The following DLG2 variants were observed in gnomAD, a reference collection of about 807,000 sequenced individuals.
The protein encoded by DLG2 is discs large MAGUK scaffold protein 2.
Under a neutral mutation model 132.5 loss-of-function variants are expected in DLG2, and 45 were observed. The ratio of observed to expected loss-of-function variants is 0.34; its 90% CI spans 0.27 to 0.44. DLG2 has a LOEUF of 0.44. Ranked by LOEUF, DLG2 falls within the 20% of genes least tolerant of loss-of-function variation. The pLI is 1.00. For missense variants in DLG2, 1,045 were observed against 1,196.9 expected (o/e 0.87, Z 1.87); for synonymous variants, 424 against 419.6 (o/e 1.01, Z -0.13).
At chr11:84,137,465 T>A (rs2094647669) in intron 9 of DLG2, among the ~76,000 whole-genome samples, 1 of 152,142 alleles carries the variant, frequency 6.6e-6, no homozygotes, top group South Asian at 2.1e-4. Flanking sequence ...TGTGTGTGCG[T>A]GCATGTTTCA....
chr11:84,406,395 T>C (rs570298497), intron 7 of DLG2, among the ~76,000 whole-genome samples: 18 of 152,198 alleles, frequency 1.2e-4, no homozygotes, highest in Non-Finnish European at 2.2e-4. Flanking sequence ...CAGGGCTCAC[T>C]GCAGCCTTGA....
chr11:85,505,411 T>C (rs577236758), intron 3 of DLG2, among the ~76,000 whole-genome samples: 2 of 152,316 alleles, frequency 1.3e-5, no homozygotes, highest in African/African-American at 2.4e-5. Flanking sequence ...ATCTAGTTTA[T>C]TGAGAGTTCT....
chr11:84,814,688 C>T (rs1248946962), intron 6 of DLG2, among the ~76,000 whole-genome samples: 2 of 152,044 alleles, frequency 1.3e-5, no homozygotes, highest in Admixed American at 1.3e-4. Flanking sequence ...GGATCTACTT[C>T]CCCACTTCAC....
At chr11:83,841,988 CCTT>C (rs778752128) in intron 16 of DLG2, among the ~76,000 whole-genome samples, 1 of 152,160 alleles carries the variant, frequency 6.6e-6, no homozygotes, top group African/African-American at 2.4e-5. Context: ...GAGCGGCCAG[CCTT>C]CTTCTTAAAA....
chr11:85,561,445 C>T (rs998625234), intron 3 of DLG2, among the ~76,000 whole-genome samples: 2 of 149,442 alleles, frequency 1.3e-5, no homozygotes, highest in African/African-American at 2.5e-5. Flanking sequence ...CCCTGCACTT[C>T]CTACCAGTAT....
intron 3 of DLG2, among the ~76,000 whole-genome samples, chr11:85,355,495 C>G (rs2083622630): frequency 6.6e-6 from 1 of 151,994 alleles, no homozygotes; most frequent in Admixed American, 6.6e-5. Flanking sequence ...GTCAGTTGCT[C>G]ATGTTTAAAA....
chr11:84,387,933 G>A (rs1441717661), intron 7 of DLG2, among the ~76,000 whole-genome samples: 1 of 152,162 alleles, frequency 6.6e-6, no homozygotes, highest in African/African-American at 2.4e-5. Context: ...CAAAGACCAT[G>A]CACATACTCT....
At chr11:83,694,678 T>C (rs570639246) in intron 18 of DLG2, among the ~76,000 whole-genome samples, 20 of 152,326 alleles carry the variant, frequency 1.3e-4, no homozygotes, top group Middle Eastern at 3.4e-3. Flanking sequence ...TTAAACCAGA[T>C]GGAGCAGTAG....
At chr11:85,395,757 C>T (rs2087286350) in intron 3 of DLG2, among the ~76,000 whole-genome samples, 1 of 152,156 alleles carries the variant, frequency 6.6e-6, no homozygotes, top group Admixed American at 6.5e-5. Flanking sequence ...ACAAAGAGGC[C>T]AGGAAGCACA....
intron 7 of DLG2, among the ~76,000 whole-genome samples, chr11:84,279,169 C>T (rs996027309): frequency 1.3e-5 from 2 of 152,172 alleles, no homozygotes; most frequent in Admixed American, 6.5e-5. Context: ...TATGAACATA[C>T]ACTTCTCAAA....
chr11:85,445,126 A>G (rs1047965943), intron 3 of DLG2, among the ~76,000 whole-genome samples: 1 of 152,248 alleles, frequency 6.6e-6, no homozygotes, highest in Admixed American at 6.5e-5. Context: ...TGTACCTGGT[A>G]GATATTAAAT....
intron 6 of DLG2, among the ~76,000 whole-genome samples, chr11:84,610,255 CAT>C (rs1434957125): frequency 2.0e-5 from 3 of 151,920 alleles, no homozygotes; most frequent in African/African-American, 7.2e-5. Context: ...CTATAATAAA[CAT>C]ATTAATATCA....
At chr11:84,869,885 T>G (rs1211913617) in intron 6 of DLG2, among the ~76,000 whole-genome samples, 1 of 152,220 alleles carries the variant, frequency 6.6e-6, no homozygotes, top group Non-Finnish European at 1.5e-5. Flanking sequence ...TTTCCTAAAC[T>G]AGAATACTTA....
chr11:84,097,276 G>T (rs541191074), intron 10 of DLG2, among the ~76,000 whole-genome samples: 101 of 152,208 alleles, frequency 6.6e-4, no homozygotes, highest in African/African-American at 2.3e-3. Flanking sequence ...GTTTTACCAA[G>T]AATCCTGCTG....
chr11:83,685,317 T>A (rs144364967), intron 18 of DLG2, among the ~76,000 whole-genome samples: 13 of 152,320 alleles, frequency 8.5e-5, no homozygotes, highest in African/African-American at 2.4e-4. Flanking sequence ...TCCCATTCTC[T>A]CCTTTAATGA....
chr11:84,083,289 AAAAG>A (rs1291558858), intron 10 of DLG2, among the ~76,000 whole-genome samples: 1 of 152,208 alleles, frequency 6.6e-6, no homozygotes, highest in Non-Finnish European at 1.5e-5. Context: ...TGGAAAATAA[AAAAG>A]AAAGAAAATA....
chr11:83,887,685 A>T (rs1362873803), intron 15 of DLG2, among the ~76,000 whole-genome samples: 16 of 150,948 alleles, frequency 1.1e-4, no homozygotes, highest in Non-Finnish European at 5.9e-5. Flanking sequence ...ATGAACATTG[A>T]TGCAAAAATC....
chr11:85,014,093 A>C (rs1350072399), intron 6 of DLG2, among the ~76,000 whole-genome samples: 1 of 152,222 alleles, frequency 6.6e-6, no homozygotes, highest in Admixed American at 6.5e-5. Flanking sequence ...CAAGGATATC[A>C]ACAATAAAAA....
intron 10 of DLG2, among the ~76,000 whole-genome samples, chr11:84,080,397 C>A (rs1209531203): frequency 6.6e-6 from 1 of 152,132 alleles, no homozygotes; most frequent in Non-Finnish European, 1.5e-5. Context: ...ATATTCTTTT[C>A]TAAGTCAGGT....
Sources: allele counts gnomAD v4.1 joint callset (sites outside exome capture counted in the v4.1 genomes callset), GRCh38; gene constraint gnomAD v4.1.1; transcripts MANE v1.5; gene names NCBI Gene and HGNC (gene_info 2026-07-23, HGNC 2026-07-21).